The following ZNF638 variants were observed in gnomAD, a reference collection of about 807,000 sequenced individuals.
The protein encoded by ZNF638 is zinc finger protein 638.
Under a neutral mutation model 195.6 loss-of-function variants are expected in ZNF638, and 46 were observed. The ratio of observed to expected loss-of-function variants is 0.24; its 90% CI spans 0.19 to 0.30. The LOEUF (loss-of-function observed/expected upper bound fraction) is 0.30. Ranked by LOEUF, ZNF638 falls within the 10% of genes least tolerant of loss-of-function variation. ZNF638 has a pLI of 1.00. For synonymous variants in ZNF638, 845 were observed against 772.0 expected (o/e 1.09, Z -1.57); for missense variants, 2,440 against 2,325.3 (o/e 1.05, Z -1.01).
chr2:71,367,906 G>A (rs2079233300), intron 6 of ZNF638, among the ~76,000 whole-genome samples: 1 of 152,134 alleles, frequency 6.6e-6, no homozygotes, highest in Admixed American at 6.5e-5. Flanking sequence ...TGATACTACA[G>A]TGTATTCAAA....
In ZNF638 at chr2:71,367,404, CGCCAACACACCCAGCTGGGT is replaced by C. The variant is rs2079219640; in HGVS notation, c.1996-976_1996-957del. On this transcript the variant is annotated intron_variant, in intron 6 of 27. Transcript: ENST00000264447. ...TCCCAGGTAGAAGACTACAGGTATG[CGCCAACACACCCAGCTGGGT>C]GTTTTAATTTTTTTTTTTTTTTTTT... Among the ~76,000 whole-genome samples the C allele has an allele frequency of 2.0e-5, 3 of 147,812 alleles. No homozygotes were observed. The East Asian group carries it at 6.0e-4, about 30-fold the overall frequency.
At chr2:71,336,512 A>G (rs2078673296) in intron 1 of ZNF638, among the ~76,000 whole-genome samples, 1 of 152,186 alleles carries the variant, frequency 6.6e-6, no homozygotes, top group African/African-American at 2.4e-5. Flanking sequence ...ATTTTCAAAA[A>G]TTACTCGTCT....
At chr2:71,348,656 C>A (rs2078894436) in intron 1 of ZNF638, 97 bp from the exon 2 acceptor site, 1 of 1,305,424 alleles carries the variant, frequency 7.7e-7, no homozygotes, top group Non-Finnish European at 9.8e-7. Flanking sequence ...AGAATGGTTT[C>A]ATGGCTTTAT....
At chr2:71,352,997 TG>T (rs758869368) in intron 2 of ZNF638, among the ~76,000 whole-genome samples, 1 of 152,170 alleles carries the variant, frequency 6.6e-6, no homozygotes, top group Non-Finnish European at 1.5e-5. Context: ...CACTACTAAG[TG>T]GCCAAATGAT....
chr2:71,422,492 T>C (rs1294786733), intron 21 of ZNF638, among the ~76,000 whole-genome samples: 2 of 152,212 alleles, frequency 1.3e-5, no homozygotes, highest in Admixed American at 1.3e-4. Flanking sequence ...CCTGATAATA[T>C]TTGAAGTGTC....
intron 21 of ZNF638, among the ~76,000 whole-genome samples, chr2:71,421,379 T>C (rs1399482018): frequency 6.6e-6 from 1 of 152,100 alleles, no homozygotes; most frequent in African/African-American, 2.4e-5. Flanking sequence ...AAAAAAACAT[T>C]TTAGCATGCA....
At chr2:71,417,315 A>G (rs1258952350) in intron 20 of ZNF638, among the ~76,000 whole-genome samples, 4 of 151,104 alleles carry the variant, frequency 2.6e-5, no homozygotes, top group South Asian at 2.1e-4. Flanking sequence ...AGGTGAGGCA[A>G]TGCCTCGCCC....
rs1325545205 is a variant in ZNF638, at chr2:71,427,012, G to A, written c.5143G>A (p.Val1715Ile). The A allele has an allele frequency of 1.9e-6, 3 of 1,613,238 alleles. No homozygotes were observed. The highest frequency in any genetic ancestry group is 2.2e-5 in the South Asian group (2 of 90,926). Residue 1715 changes from valine (V) to isoleucine (I), a missense_variant, in exon 24 of 28, where the codon GTA (valine) becomes ATA (isoleucine). Val to Ile is a conservative substitution (Grantham distance 29, BLOSUM62 3). This residue lies in a region of ZNF638 where 1,883 missense variants were observed against 1,739.1 expected (regional missense o/e 1.08). Coordinates refer to ENST00000264447, the MANE Select transcript of ZNF638 (RefSeq NM_014497.5). ...TACTAAAGGAAATGAAGGAGATACTGTAAGGGATTCCATTGGCTTCATTTC... is the reference window on the plus strand; with the variant it reads ...TACTAAAGGAAATGAAGGAGATACTATAAGGGATTCCATTGGCTTCATTTC... ...LNTKGNEGDT[V>I]RDSIGFISSQ...
chr2:71,339,589 TG>T (rs761747739), intron 1 of ZNF638, among the ~76,000 whole-genome samples: 14 of 152,226 alleles, frequency 9.2e-5, no homozygotes, highest in Non-Finnish European at 1.6e-4. Context: ...CAGAAACAAT[TG>T]GGACTGGATA....
chr2:71,376,579 G>A (rs2079430043), intron 8 of ZNF638, among the ~76,000 whole-genome samples: 1 of 152,048 alleles, frequency 6.6e-6, no homozygotes, highest in Non-Finnish European at 1.5e-5. Context: ...ATTTTGGCAT[G>A]GCATGTCAAA....
Position 71,365,649 on chromosome 2 carries a change from T to C in ZNF638, c.1938T>C (p.Asp646=), listed in dbSNP as rs1364972460. Residue 646 remains aspartate (D), a synonymous_variant, in exon 6 of 28, where the codon GAT becomes GAC. Transcript: ENST00000264447. ...SIRCKSKNLE[D]DTLSECKQVS... ...GTTGTAAATCAAAGAATCTTGAAGA[T>C]GACACTTTGTCAGAATGTAAACAGG... 1.2e-6 allele frequency: 2 copies of C among 1,614,016 alleles called. No homozygotes were observed. The highest frequency in any genetic ancestry group is 1.7e-6 in the Non-Finnish European group (2 of 1,179,976).
intron 2 of ZNF638, among the ~76,000 whole-genome samples, chr2:71,354,373 C>T (rs1354935324): frequency 3.5e-5 from 5 of 143,808 alleles, no homozygotes; most frequent in South Asian, 4.3e-4. Flanking sequence ...GATGTATCTT[C>T]CAGAGTTATT....
At position 71,349,533 on chromosome 2, in the gene ZNF638, C is replaced by G; in HGVS notation, c.579C>G (p.Ser193Arg). Residue 193 changes from serine to arginine, a missense_variant, in exon 2 of 28, where the codon AGC becomes AGG. Transcript: ENST00000264447. ...GRRLPNLPSQSRNKETLGSEA... is the reference protein window; with the variant it reads ...GRRLPNLPSQRRNKETLGSEA... ...GATTACCTAATTTACCTTCTCAGAG[C>G]AGAAATAAAGAAACACTTGGTAGTG... 3 of 1,614,092 alleles carry G rather than the reference C, an allele frequency of 1.9e-6. No homozygotes were observed. The highest frequency in any genetic ancestry group is 2.5e-6 in the Non-Finnish European group (3 of 1,180,010).
chr2:71,426,962 C>T lies in ZNF638; in HGVS notation c.5093C>T (p.Ala1698Val), dbSNP rs1432018552. The T allele has an allele frequency of 6.2e-7, 1 of 1,612,916 alleles. No individual in the cohort carries two copies. ...GAAGAGCTACCTTTGAATGAGTCAG[C>T]AGACATAACTTTTGCCACTTTAAAT... The part of the protein sequence containing the change: ...EVEELPLNES[A>V]DITFATLNTK... The change falls in exon 24 of 28, where the codon GCA becomes GTA. Residue 1698 changes from alanine to valine, a missense_variant. Ala to Val is a moderately conservative substitution (Grantham distance 64). This residue lies in a region of ZNF638 where 1,883 missense variants were observed against 1,739.1 expected (regional missense o/e 1.08). Transcript: ENST00000264447.
intron 16 of ZNF638, among the ~76,000 whole-genome samples, chr2:71,402,524 G>A (rs542148298): frequency 1.3e-5 from 2 of 151,992 alleles, no homozygotes; most frequent in South Asian, 2.1e-4. Context: ...TATAAGATTC[G>A]TAGATCATTC....
At chr2:71,373,945 C>T (rs2079368635) in intron 8 of ZNF638, 1 of 152,134 alleles carries the variant, frequency 6.6e-6, no homozygotes, top group Non-Finnish European at 1.5e-5. Context: ...ACCTCAGCCT[C>T]CTGAGTACCT....
At chr2:71,397,382 G>A (rs1019403692) in intron 11 of ZNF638, among the ~76,000 whole-genome samples, 1 of 152,180 alleles carries the variant, frequency 6.6e-6, no homozygotes, top group African/African-American at 2.4e-5. Flanking sequence ...GACAAGTTAC[G>A]TGACAAGCTA....
At position 71,395,601 on chromosome 2, in the gene ZNF638, G is replaced by A. The variant is rs944803582; in HGVS notation, c.2378-540G>A. On this transcript the variant is annotated intron_variant, in intron 10 of 27. Transcript: ENST00000264447. ...TGCGCGCAGGACTGCTCCCAAGGCG[G>A]TGGGGGTGACAATTACCTACAGATT... is the stretch of plus-strand genomic sequence containing the variant. The A allele has an allele frequency of 4.7e-5, 27 of 580,508 alleles. No homozygotes were observed. In the African/African-American group the frequency reaches 5.0e-4, roughly 11 times the overall value. 36.0% of individuals were successfully genotyped at this position (580,508 alleles called of 1,614,324 possible). A position where few individuals can be genotyped will look rare whatever the true frequency, so the allele number is the denominator to read the frequency against.
intron 1 of ZNF638, chr2:71,334,601 G>A (rs999819241): frequency 1.3e-5 from 2 of 152,306 alleles, no homozygotes; most frequent in African/African-American, 4.8e-5. Flanking sequence ...GAAAAGGTGA[G>A]ATGTAGAAAT....
Sources: gnomAD v4.1 joint callset for allele counts (sites outside exome capture counted in the v4.1 genomes callset) on GRCh38, gnomAD v4.1.1 for gene constraint, gnomAD v4.1.1 regional missense constraint, MANE v1.5 for transcripts, NCBI Gene and HGNC (gene_info 2026-07-23, HGNC 2026-07-21) for gene names.